The following TRPM3 variants were observed in gnomAD, a reference collection of about 807,000 sequenced individuals.
The protein encoded by TRPM3 is transient receptor potential cation channel subfamily M member 3.
TRPM3 carries 77 observed loss-of-function variants against 181.2 expected under a neutral mutation model. The ratio of observed to expected loss-of-function variants is 0.42; its 90% CI spans 0.35 to 0.51. The LOEUF is 0.51. Among genes scored for constraint, TRPM3 ranks in the 20% least tolerant of loss-of-function variants. TRPM3 has a pLI of 0.01. For synonymous variants in TRPM3, 745 were observed against 796.4 expected (o/e 0.94, Z 1.09); for missense variants, 1,759 against 2,196.7 (o/e 0.80, Z 3.98).
chr9:70,679,629 A>G (rs1374835574), intron 9 of TRPM3, among the ~76,000 whole-genome samples: 1 of 152,152 alleles, frequency 6.6e-6, no homozygotes, highest in East Asian at 1.9e-4. Flanking sequence ...TTTAATGGTC[A>G]ACTTATCTTG....
intron 8 of TRPM3, among the ~76,000 whole-genome samples, chr9:70,742,724 C>T (rs910300745): frequency 6.6e-6 from 1 of 152,156 alleles, no homozygotes; most frequent in South Asian, 2.1e-4. Flanking sequence ...GAGGTCACCA[C>T]AAATAACACA....
chr9:71,172,410 A>T (rs1368241009), intron 1 of TRPM3, among the ~76,000 whole-genome samples: 1 of 151,714 alleles, frequency 6.6e-6, no homozygotes, highest in Non-Finnish European at 1.5e-5. Context: ...GCAAGTCATA[A>T]TTTTTTTGTT....
intron 1 of TRPM3, among the ~76,000 whole-genome samples, chr9:71,129,900 C>T (rs1291979200): frequency 1.3e-5 from 2 of 152,180 alleles, no homozygotes; most frequent in African/African-American, 4.8e-5. Context: ...CTTCTAGTTA[C>T]ATCTGGCTGG....
intron 1 of TRPM3, among the ~76,000 whole-genome samples, chr9:71,189,022 C>A (rs1357235888): frequency 6.6e-6 from 1 of 151,778 alleles, no homozygotes; most frequent in Non-Finnish European, 1.5e-5. Flanking sequence ...CATTCCCAAG[C>A]CTTAAATATA....
At chr9:71,086,903 C>A (rs35826449) in intron 1 of TRPM3, among the ~76,000 whole-genome samples, 1 of 151,994 alleles carries the variant, frequency 6.6e-6, no homozygotes, top group Non-Finnish European at 1.5e-5. Context: ...TTTACACTCT[C>A]GGCACTTCAC....
At chr9:70,598,067 A>G (rs116834533) in intron 21 of TRPM3, among the ~76,000 whole-genome samples, 325 of 152,286 alleles carry the variant, frequency 2.1e-3, no homozygotes, top group African/African-American at 7.4e-3. Context: ...TCTCTATTAC[A>G]GCATTTTTCA....
At chr9:71,204,636 CT>C (rs1437646744) in intron 1 of TRPM3, among the ~76,000 whole-genome samples, 1 of 152,100 alleles carries the variant, frequency 6.6e-6, no homozygotes, top group Non-Finnish European at 1.5e-5. Flanking sequence ...TAGTTCAACC[CT>C]TGTGGAAGTC....
At chr9:70,893,755 C>T (rs1028412081) in intron 1 of TRPM3, among the ~76,000 whole-genome samples, 8 of 152,158 alleles carry the variant, frequency 5.3e-5, no homozygotes, top group African/African-American at 1.7e-4. Flanking sequence ...TAAACATTGA[C>T]ACAGAGTGAA....
chr9:71,222,163 ATGAC>A lies in TRPM3; in HGVS notation c.183+224486_183+224489del, dbSNP rs575228561. 1.9e-4 allele frequency among the ~76,000 whole-genome samples: 29 copies of A among 152,358 alleles called. No individual in the cohort carries two copies. In the East Asian group the frequency reaches 5.4e-3, roughly 28 times the overall value. On this transcript the variant is annotated intron_variant, in intron 1 of 24. Transcript: ENST00000357533. ...CTGCTGATAAATAGATAATGAACAA[ATGAC>A]TGACTGAATGAATGACTAAAAATAT...
At position 70,537,142 on chromosome 9, in the gene TRPM3, T is replaced by G; in HGVS notation, c.3971A>C (p.Gln1324Pro). The G allele has an allele frequency of 6.3e-7, 1 of 1,594,394 alleles. No individual in the cohort carries two copies. Among genetic ancestry groups the G allele is most frequent in the Non-Finnish European group, 8.6e-7 (1 of 1,165,082 alleles). The change falls in exon 26 of 26, where the codon CAA becomes CCA. Residue 1324 changes from glutamine (Q) to proline (P), a missense_variant. By Grantham distance (76) the Gln-to-Pro change is moderately conservative (BLOSUM62 -1). Transcript: ENST00000677713. ...NSQEGNTFKLQESIDPAGEET... is the reference protein window; with the variant it reads ...NSQEGNTFKLPESIDPAGEET... Reference sequence around the variant, plus strand: ...CTCACCTGCAGGGTCTATACTCTCTTGGAGCTTGAAGGTGTTCCCTTCCTG... The same window carrying G: ...CTCACCTGCAGGGTCTATACTCTCTGGGAGCTTGAAGGTGTTCCCTTCCTG...
At chr9:71,171,542 G>T (rs1276598320) in intron 1 of TRPM3, among the ~76,000 whole-genome samples, 2 of 152,142 alleles carry the variant, frequency 1.3e-5, no homozygotes, top group Non-Finnish European at 2.9e-5. Flanking sequence ...ATCGGGGCAG[G>T]TTCCCCGATA....
At chr9:70,777,982 A>G (rs969390988) in intron 7 of TRPM3, among the ~76,000 whole-genome samples, 3 of 148,686 alleles carry the variant, frequency 2.0e-5, no homozygotes, top group South Asian at 2.1e-4. Context: ...ATATAAATTT[A>G]ACAGACACAG....
intron 18 of TRPM3, among the ~76,000 whole-genome samples, chr9:70,615,409 A>G (rs1224172854): frequency 6.6e-6 from 1 of 152,230 alleles, no homozygotes; most frequent in Non-Finnish European, 1.5e-5. Context: ...CTCTATAATT[A>G]TATGAGGAAG....
chr9:71,081,847 T>C (rs2064401350), intron 1 of TRPM3, among the ~76,000 whole-genome samples: 1 of 152,200 alleles, frequency 6.6e-6, no homozygotes, highest in African/African-American at 2.4e-5. Context: ...CAAACATCTG[T>C]CTTACATTCT....
At chr9:70,582,322 T>C (rs556010547) in intron 22 of TRPM3, among the ~76,000 whole-genome samples, 1 of 152,350 alleles carries the variant, frequency 6.6e-6, no homozygotes, top group Admixed American at 6.5e-5. Context: ...TCAGCTTTTC[T>C]AGTTTCTTTA....
chr9:70,810,129 C>A (rs1416893021), intron 6 of TRPM3: 2 of 529,314 alleles, frequency 3.8e-6, no homozygotes, highest in East Asian at 1.1e-4. Flanking sequence ...CCACCCCCAC[C>A]CTCCTTTCCA....
intron 1 of TRPM3, among the ~76,000 whole-genome samples, chr9:71,237,548 A>G (rs1260340477): frequency 6.6e-6 from 1 of 152,156 alleles, no homozygotes; most frequent in East Asian, 1.9e-4. Flanking sequence ...TTAAGTCCTG[A>G]GTACTGCTGA....
Position 71,026,636 on chromosome 9 carries a change from C to T in TRPM3, c.177+94542G>A, listed in dbSNP as rs1199209574. Among the ~76,000 whole-genome samples the T allele has an allele frequency of 2.0e-5, 3 of 152,154 alleles. No individual in the cohort carries two copies. In the East Asian group the frequency reaches 5.8e-4, roughly 29 times the overall value. On this transcript the variant is annotated intron_variant, in intron 1 of 25. Transcript: ENST00000677713. ...TCCTCCTATCACCTCATAGCCATTG[C>T]CATGGGAGCACTGGTGGGCTCGAAG...
chr9:71,022,422 T>C (rs1036080677), intron 1 of TRPM3, among the ~76,000 whole-genome samples: 3 of 152,186 alleles, frequency 2.0e-5, no homozygotes, highest in Non-Finnish European at 2.9e-5. Flanking sequence ...CAGCTGGTCA[T>C]GGTGGCTCAC....
Sources: allele counts gnomAD v4.1 joint callset (sites outside exome capture counted in the v4.1 genomes callset), GRCh38; gene constraint gnomAD v4.1.1; transcripts MANE v1.5; gene names NCBI Gene and HGNC (gene_info 2026-07-23, HGNC 2026-07-21).